Variants in ADGRB2 observed in about 807,000 individuals in gnomAD.
ADGRB2 encodes the protein adhesion G protein-coupled receptor B2.
ADGRB2 carries 47 observed loss-of-function variants against 178.7 expected under a neutral mutation model. The observed-to-expected ratio is 0.26, with a 90% CI of 0.21 to 0.34. The LOEUF (loss-of-function observed/expected upper bound fraction) is 0.34, where lower values mean the gene tolerates loss of function less well. Among genes scored for constraint, ADGRB2 ranks in the 10% least tolerant of loss-of-function variants. ADGRB2 has a pLI of 1.00. For synonymous variants in ADGRB2, 870 were observed against 912.4 expected, an observed-to-expected ratio of 0.95 and a Z score of 0.84; for missense variants, 1,584 against 2,180.8, an observed-to-expected ratio of 0.73 and a Z score of 5.45.
chr1:31,729,952 A>C (rs1057448160), intron 29 of ADGRB2, among the ~76,000 whole-genome samples: 2 of 152,272 alleles, frequency 1.3e-5, no homozygotes, highest in African/African-American at 4.8e-5. Context: ...CCCCGTAGCT[A>C]CTAACTTAAT....
chr1:31,742,916 C>G lies in ADGRB2; in HGVS notation c.1174G>C (p.Val392Leu). ...RGSRSRMRTC[V>L]PPQHGGKACE... ...GCCTTGCCGCCGTGCTGGGGGGGCA[C>G]GCAGGTCCGCATCCGGCTCCGGGAC... Residue 392 changes from valine to leucine, a missense_variant, in exon 7 of 33, where the codon GTG becomes CTG. Val to Leu is a conservative substitution (Grantham distance 32). Transcript: ENST00000373658. 6.5e-7 allele frequency: 1 copy of G among 1,542,170 alleles called. No homozygotes were observed.
intron 4 of ADGRB2, among the ~76,000 whole-genome samples, chr1:31,749,558 T>C (rs1250003690): frequency 6.6e-6 from 1 of 152,230 alleles, no homozygotes; most frequent in African/African-American, 2.4e-5. Flanking sequence ...TATAGGTTCA[T>C]TGTGAGAATT....
chr1:31,729,117 C>A (rs1372561319), intron 29 of ADGRB2, among the ~76,000 whole-genome samples: 1 of 152,184 alleles, frequency 6.6e-6, no homozygotes. Context: ...TCTCTGCTCC[C>A]TCATGCCTCT....
At chr1:31,731,788 TATA>T (rs1645297282) in intron 28 of ADGRB2, among the ~76,000 whole-genome samples, 1 of 152,158 alleles carries the variant, frequency 6.6e-6, no homozygotes, top group South Asian at 2.1e-4. Flanking sequence ...CTGGAAATGA[TATA>T]ATAACGTAAC....
In ADGRB2 at chr1:31,728,463, T is replaced by C; in HGVS notation, c.4416+135A>G. 5 of 1,430,760 alleles carry C rather than the reference T, an allele frequency of 3.5e-6. No homozygotes were observed. Among genetic ancestry groups the C allele is most frequent in the Non-Finnish European group, 4.9e-6 (5 of 1,017,712 alleles). The allele number at this position is 1,430,760 out of a possible 1,614,324, so 88.6% of individuals were successfully genotyped here. ...GGGCAGGGAGGGAATCATGGGAAGA[T>C]CCCACGGAACCCCCGGGCTTGGGCT... On this transcript the variant is annotated intron_variant, in intron 30 of 32. Coordinates refer to ENST00000373658, the MANE Select transcript of ADGRB2 (RefSeq NM_001364857.2). The surrounding 1 kb of genome is among the most constrained non-coding windows in gnomAD (Gnocchi z 6.7).
chr1:31,762,791 AGG>A (rs1462538183), intron 1 of ADGRB2, among the ~76,000 whole-genome samples: 3 of 152,182 alleles, frequency 2.0e-5, no homozygotes, highest in Non-Finnish European at 4.4e-5. Flanking sequence ...CCGCGGGAGA[AGG>A]GGTGGCGGGT....
rs766443769 is a variant in ADGRB2 at position 31,733,019 on chromosome 1, C to T, written c.3577G>A (p.Ala1193Thr). The T allele has an allele frequency of 7.0e-6, 11 of 1,570,168 alleles. No homozygotes were observed. The highest frequency in any genetic ancestry group is 4.7e-5 in the East Asian group (2 of 42,140). The change falls in exon 26 of 33, where the codon GCG (alanine) becomes ACG (threonine). Residue 1193 changes from alanine to threonine, a missense_variant. Physicochemically the swap from Ala to Thr is moderately conservative, Grantham distance 58. Coordinates refer to ENST00000373658, the MANE Select transcript of ADGRB2 (RefSeq NM_001364857.2). This position sits in a 1 kb window ranked among gnomAD's most constrained non-coding sequence, Gnocchi z 4.3. ...ACAGCAGTGATGACAAAGCCCTGCG[C>T]GGAGTTGAAGACAGCAAAGAGGGCC... Reference protein sequence around the residue: ...FQALFAVFNSAQGFVITAVHC... With the variant: ...FQALFAVFNSTQGFVITAVHC...
Position 31,735,777 on chromosome 1 carries a change from G to A in ADGRB2, c.3267+50C>T, listed in dbSNP as rs1645572454. ...AGGGAGGAGGTAGAGGGAGAAACAGGATGACCCTCTGGGGCCATGCCCCTT... is the reference window on the plus strand; with the variant it reads ...AGGGAGGAGGTAGAGGGAGAAACAGAATGACCCTCTGGGGCCATGCCCCTT... On this transcript the variant is annotated intron_variant, in intron 23 of 32. Transcript: ENST00000373658. The surrounding 1 kb of genome is among the most constrained non-coding windows in gnomAD (Gnocchi z 6.0). 6.3e-7 allele frequency: 1 copy of A among 1,593,890 alleles called. No individual in the cohort carries two copies. Among genetic ancestry groups the A allele is most frequent in the African/African-American group, 1.3e-5 (1 of 74,418 alleles).
chr1:31,738,728 C>T, intron 16 of ADGRB2, 98 bp from the exon 17 acceptor site: 2 of 1,594,856 alleles, frequency 1.3e-6, no homozygotes, highest in South Asian at 1.1e-5. Flanking sequence ...CCACACAGGT[C>T]CAGGGTTCAG....
At chr1:31,736,755 C>T (rs753242995) in intron 20 of ADGRB2, 32 bp from the exon 21 acceptor site, 1 of 1,603,306 alleles carries the variant, frequency 6.2e-7, no homozygotes, top group Non-Finnish European at 8.5e-7. Flanking sequence ...GGGAGTGGCC[C>T]TGAGCAGCCG....
At chr1:31,746,071 G>T (rs928182478) in intron 4 of ADGRB2, among the ~76,000 whole-genome samples, 1 of 152,156 alleles carries the variant, frequency 6.6e-6, no homozygotes, top group Admixed American at 6.5e-5. Context: ...CCCAAATGGG[G>T]TGTGGACATT....
In ADGRB2 at chr1:31,728,466, C is replaced by A; in HGVS notation, c.4416+132G>T. 1 of 1,448,808 alleles carries A rather than the reference C, an allele frequency of 6.9e-7. No individual in the cohort carries two copies. Among genetic ancestry groups the A allele is most frequent in the Non-Finnish European group, 9.7e-7 (1 of 1,033,702 alleles). 89.7% of individuals were successfully genotyped at this position (1,448,808 alleles called of 1,614,324 possible). A position where few individuals can be genotyped will look rare whatever the true frequency, so the allele number is the denominator to read the frequency against. ...CAGGGAGGGAATCATGGGAAGATCC[C>A]ACGGAACCCCCGGGCTTGGGCTCCT... On this transcript the variant is annotated intron_variant, in intron 30 of 32. Coordinates refer to ENST00000373658, the MANE Select transcript of ADGRB2 (RefSeq NM_001364857.2). The surrounding 1 kb of genome is among the most constrained non-coding windows in gnomAD (Gnocchi z 6.7).
Position 31,744,843 on chromosome 1 carries a change from G to A in ADGRB2, c.839-112C>T. The A allele has an allele frequency of 5.2e-6, 5 of 966,640 alleles. No homozygotes were observed. The South Asian group carries it at 6.8e-5, about 13-fold the overall frequency. The allele number at this position is 966,640 out of a possible 1,614,324, so 59.9% of individuals were successfully genotyped here. ...TCCGCCTGAGGGCCTGGAACCAACT[G>A]CATGATGCTCTCTCAGGATCACATT... On this transcript the variant is annotated intron_variant, in intron 4 of 32. Transcript: ENST00000373658. The surrounding 1 kb of genome is among the most constrained non-coding windows in gnomAD (Gnocchi z 6.7).
At position 31,735,337 on chromosome 1, in the gene ADGRB2, A is replaced by T. The variant is rs1488899168; in HGVS notation, c.3354-56T>A. On this transcript the variant is annotated intron_variant, in intron 24 of 32. Coordinates refer to ENST00000373658, the MANE Select transcript of ADGRB2 (RefSeq NM_001364857.2). This position sits in a 1 kb window ranked among gnomAD's most constrained non-coding sequence, Gnocchi z 6.0. ...GGGGAAACACATGGGAAGCCGGGAG[A>T]TGGGGCAGAATGAGCCCCGAGTGGG... 1.2e-5 allele frequency: 8 copies of T among 686,428 alleles called. No homozygotes were observed. The highest frequency in any genetic ancestry group is 1.8e-5 in the Non-Finnish European group (8 of 442,134). The allele number at this position is 686,428 out of a possible 1,614,324, so 42.5% of individuals were successfully genotyped here.
At position 31,751,171 on chromosome 1, in the gene ADGRB2, G is replaced by A. The variant is rs114145857; in HGVS notation, c.838+4828C>T. 7.8e-3 allele frequency among the ~76,000 whole-genome samples: 1,194 copies of A among 152,280 alleles called. 13 individuals are homozygous for A. The highest frequency in any genetic ancestry group is 0.036 in the East Asian group (185 of 5,182). On this transcript the variant is annotated intron_variant, in intron 4 of 32. Transcript: ENST00000373658. ...CAGTCTCTTTATAGCTCCTACCCCC[G>A]GCGTGGTTCACACCTCCACGCCCTT... is the stretch of plus-strand genomic sequence containing the variant.
chr1:31,750,168 T>A (rs577257930), intron 4 of ADGRB2, among the ~76,000 whole-genome samples: 1 of 152,286 alleles, frequency 6.6e-6, no homozygotes, highest in African/African-American at 2.4e-5. Context: ...AGACTGACAA[T>A]ACAGTGGTTT....
chr1:31,728,025 G>A lies in ADGRB2; in HGVS notation c.4572C>T (p.Thr1524=), dbSNP rs779928461. Residue 1524 remains threonine, a splice_region_variant and synonymous_variant, in exon 32 of 33, where the codon ACC becomes ACT. Transcript: ENST00000373658. The surrounding 1 kb of genome is among the most constrained non-coding windows in gnomAD (Gnocchi z 6.7). Reference sequence around the variant, plus strand: ...CCCCACCCAGCCCGGGGGGACTCACGGTGCACACGCTCCGCTCGGCTGCCC... The same window carrying A: ...CCCCACCCAGCCCGGGGGGACTCACAGTGCACACGCTCCGCTCGGCTGCCC... ...SGGAAERSVC[T]DKPSPGERPS... The A allele has an allele frequency of 4.0e-5, 62 of 1,564,796 alleles. No homozygotes were observed. Among genetic ancestry groups the A allele is most frequent in the Middle Eastern group, 1.9e-4 (1 of 5,190 alleles).
Position 31,759,330 on chromosome 1 carries a change from T to C in ADGRB2, c.-190-1819A>G. ...TCGACTGAGAACACACATGAGTATC[T>C]GGCCCTCTGAGGCTCAGCATATGAC... On this transcript the variant is annotated intron_variant, in intron 1 of 32. Coordinates refer to ENST00000373658, the MANE Select transcript of ADGRB2 (RefSeq NM_001364857.2). The surrounding 1 kb of genome is among the most constrained non-coding windows in gnomAD (Gnocchi z 4.3). 2 of 779,716 alleles carry C rather than the reference T, an allele frequency of 2.6e-6. No homozygotes were observed. Among genetic ancestry groups the C allele is most frequent in the Non-Finnish European group, 4.8e-6 (2 of 417,960 alleles). 48.3% of individuals were successfully genotyped at this position (779,716 alleles called of 1,614,324 possible).
Position 31,733,419 on chromosome 1 carries a change from G to C in ADGRB2, c.3453-276C>G, listed in dbSNP as rs1645400261. 6.6e-6 allele frequency among the ~76,000 whole-genome samples: 1 copy of C among 152,218 alleles called. No individual in the cohort carries two copies. Among genetic ancestry groups the C allele is most frequent in the South Asian group, 2.1e-4 (1 of 4,830 alleles). On this transcript the variant is annotated intron_variant, in intron 25 of 32. Coordinates refer to ENST00000373658, the MANE Select transcript of ADGRB2 (RefSeq NM_001364857.2). This position sits in a 1 kb window ranked among gnomAD's most constrained non-coding sequence, Gnocchi z 4.3. ...CAGTGGGACCGAGCCACAGACAGTG[G>C]AAAGGGACGGGGAGAGAGAAGAGGA...
Sources: allele counts gnomAD v4.1 joint callset (sites outside exome capture counted in the v4.1 genomes callset), GRCh38; gene constraint gnomAD v4.1.1; non-coding constraint Gnocchi (gnomAD v3.1); transcripts MANE v1.5; gene names NCBI Gene and HGNC (gene_info 2026-07-23, HGNC 2026-07-21).